ZFYVE1: variants seen among roughly 807,000 people sequenced by gnomAD.
ZFYVE1 encodes zinc finger FYVE-type containing 1.
In ZFYVE1, 30 loss-of-function variants were observed where a neutral mutation model predicts 74.4. The ratio of observed to expected loss-of-function variants is 0.40; its 90% CI spans 0.30 to 0.55. ZFYVE1 has a LOEUF of 0.55. Among genes scored for constraint, ZFYVE1 ranks in the 20% least tolerant of loss-of-function variants. ZFYVE1 has a pLI of 0.42. For synonymous variants in ZFYVE1, 335 were observed against 385.1 expected (o/e 0.87, Z 1.52); for missense variants, 703 against 1,011.6 (o/e 0.69, Z 4.14).
At chr14:73,003,058 T>TC (rs1202587027) in intron 2 of ZFYVE1, among the ~76,000 whole-genome samples, 10 of 129,900 alleles carry the variant, frequency 7.7e-5, no homozygotes, top group African/African-American at 3.3e-4. Flanking sequence ...TCTTTTCTTT[T>TC]TTTTTTTTTT....
At position 72,970,154 on chromosome 14, in the gene ZFYVE1, C is replaced by T. The variant is rs59629836; in HGVS notation, c.*728G>A. ...GGCTCAGTTCCTTCCTTGCTGTTCCCTGGGGGACCAGGGACAGCACGGCCC... is the reference window on the plus strand; with the variant it reads ...GGCTCAGTTCCTTCCTTGCTGTTCCTTGGGGGACCAGGGACAGCACGGCCC... On this transcript the variant is annotated 3_prime_UTR_variant, in exon 12 of 12. Coordinates refer to ENST00000556143, the MANE Select transcript of ZFYVE1 (RefSeq NM_021260.4). 6,534 of 200,014 alleles carry T rather than the reference C, an allele frequency of 0.033. 430 individuals are homozygous for T. The highest frequency in any genetic ancestry group is 0.15 in the African/African-American group (6,171 of 42,500). The allele number at this position is 200,014 out of a possible 1,614,324, so 12.4% of individuals were successfully genotyped here.
chr14:72,997,118 C>G (rs976793817), intron 3 of ZFYVE1, among the ~76,000 whole-genome samples: 1 of 152,156 alleles, frequency 6.6e-6, no homozygotes, highest in African/African-American at 2.4e-5. Flanking sequence ...ATGAACTGTC[C>G]GTGGTCCTAA....
At chr14:73,018,749 G>C (rs61986549) in intron 2 of ZFYVE1, among the ~76,000 whole-genome samples, 20,046 of 151,904 alleles carry the variant, frequency 0.13, 1,631 homozygotes, top group East Asian at 0.2. Flanking sequence ...CAAGACCAGC[G>C]TGACCAACAT....
intron 2 of ZFYVE1, among the ~76,000 whole-genome samples, chr14:73,022,933 C>T (rs1181922936): frequency 6.6e-6 from 1 of 151,880 alleles, no homozygotes; most frequent in East Asian, 1.9e-4. Flanking sequence ...GAGGCCAAGG[C>T]GGGTGGATCA....
chr14:72,992,148 ATC>A (rs1419316631), intron 4 of ZFYVE1, among the ~76,000 whole-genome samples: 1 of 152,040 alleles, frequency 6.6e-6, no homozygotes, highest in Non-Finnish European at 1.5e-5. Context: ...ACCTCAAGTG[ATC>A]CACCCGCCTC....
intron 2 of ZFYVE1, among the ~76,000 whole-genome samples, chr14:73,002,538 G>A (rs1403286984): frequency 6.6e-6 from 1 of 151,794 alleles, no homozygotes; most frequent in African/African-American, 2.4e-5. Flanking sequence ...CACCTCCTGG[G>A]TTTAAGTGAT....
chr14:72,984,579 A>C (rs1183552156), intron 4 of ZFYVE1, among the ~76,000 whole-genome samples: 1 of 152,138 alleles, frequency 6.6e-6, no homozygotes, highest in Non-Finnish European at 1.5e-5. Context: ...GATATGAATG[A>C]ATATATAGAA....
intron 11 of ZFYVE1, among the ~76,000 whole-genome samples, chr14:72,972,055 C>G (rs1163834583): frequency 2.0e-5 from 3 of 152,096 alleles, no homozygotes; most frequent in Non-Finnish European, 4.4e-5. Flanking sequence ...AACCCTGTCT[C>G]TACTAAAAAT....
intron 2 of ZFYVE1, among the ~76,000 whole-genome samples, chr14:73,023,096 G>A (rs997121477): frequency 1.3e-5 from 2 of 148,868 alleles, no homozygotes; most frequent in Non-Finnish European, 3.0e-5. Context: ...AGGAAGTAGA[G>A]GTTGCAGTGA....
rs1013372743 is a variant in ZFYVE1, at chr14:73,008,278, G to A, written c.484-9963C>T. Among the ~76,000 whole-genome samples, 5 of 152,328 alleles carry A rather than the reference G, an allele frequency of 3.3e-5. No homozygotes were observed. The South Asian group carries it at 8.3e-4, about 25-fold the overall frequency. ...GGGTGCAAGTGATTCTCCTGCCTCA[G>A]CTTCCTAAGTAGCTGGGATTACAGG... On this transcript the variant is annotated intron_variant, in intron 2 of 11. Transcript: ENST00000556143.
intron 4 of ZFYVE1, among the ~76,000 whole-genome samples, chr14:72,982,883 G>A (rs1893373943): frequency 6.6e-6 from 1 of 150,556 alleles, no homozygotes; most frequent in South Asian, 2.1e-4. Context: ...TGCTCTTGTT[G>A]CCCAGGCTGG....
At chr14:72,990,397 GTTC>G (rs1052892611) in intron 4 of ZFYVE1, among the ~76,000 whole-genome samples, 21 of 142,688 alleles carry the variant, frequency 1.5e-4, no homozygotes, top group Non-Finnish European at 2.7e-4. Context: ...AGCTGAACAG[GTTC>G]TTTTTTTTTT....
intron 2 of ZFYVE1, among the ~76,000 whole-genome samples, chr14:73,003,899 C>A (rs938052305): frequency 4.6e-5 from 7 of 152,274 alleles, no homozygotes; most frequent in African/African-American, 1.7e-4. Context: ...ACTCAGGACA[C>A]CGCCTGGCAC....
At chr14:73,021,768 T>C (rs999533500) in intron 2 of ZFYVE1, among the ~76,000 whole-genome samples, 2 of 152,108 alleles carry the variant, frequency 1.3e-5, no homozygotes, top group African/African-American at 2.4e-5. Context: ...TCCAATTATA[T>C]ACATATTACA....
chr14:72,998,164 G>C lies in ZFYVE1; in HGVS notation c.635C>G (p.Pro212Arg), dbSNP rs762691500. The change falls in exon 3 of 12, where the codon CCG (proline) becomes CGG (arginine). Residue 212 changes from proline (P) to arginine (R), a missense_variant. By Grantham distance (103) the Pro-to-Arg change is moderately radical. Coordinates refer to ENST00000556143, the MANE Select transcript of ZFYVE1 (RefSeq NM_021260.4). Reference protein sequence around the residue: ...FYGREVFKTSPTQESCTVGVW... With the variant: ...FYGREVFKTSRTQESCTVGVW... ...TCCCACAGTGCAGGACTCCTGGGTC[G>C]GGGAGGTTTTAAAGACTTCACGACC... 1 of 1,613,988 alleles carries C rather than the reference G, an allele frequency of 6.2e-7. No homozygotes were observed. The highest frequency in any genetic ancestry group is 8.5e-7 in the Non-Finnish European group (1 of 1,179,984).
intron 2 of ZFYVE1, among the ~76,000 whole-genome samples, chr14:73,003,513 A>G (rs1893917586): frequency 6.6e-6 from 1 of 152,190 alleles, no homozygotes; most frequent in Non-Finnish European, 1.5e-5. Flanking sequence ...GGAATTCAAG[A>G]CTACCTTAAG....
At chr14:72,971,216 G>T (rs1567342362) in intron 11 of ZFYVE1, 102 bp from the exon 12 acceptor site, 2 of 1,176,530 alleles carry the variant, frequency 1.7e-6, no homozygotes, top group Non-Finnish European at 1.2e-6. Flanking sequence ...AATCCCAACT[G>T]CACACAGAAT....
At chr14:72,981,739 G>A in intron 5 of ZFYVE1, 50 bp downstream of exon 5, 1 of 1,547,684 alleles carries the variant, frequency 6.5e-7, no homozygotes, top group Non-Finnish European at 8.9e-7. Context: ...CCACTCAAAG[G>A]CTCTATTCTC....
In ZFYVE1 at chr14:72,997,839, C is replaced by A; in HGVS notation, c.960G>T (p.Glu320Asp). The A allele has an allele frequency of 6.2e-7, 1 of 1,601,438 alleles. No homozygotes were observed. The highest frequency in any genetic ancestry group is 8.5e-7 in the Non-Finnish European group (1 of 1,169,880). ...TLGPAVIIFH[E>D]TVHTQLLGSD... is the part of the protein sequence containing the mutation. ...AGCCCAGTAGCTGGGTGTGCACGGTCTCATGGAAGATGATAACTGCAGGGC... is the reference window on the plus strand; with the variant it reads ...AGCCCAGTAGCTGGGTGTGCACGGTATCATGGAAGATGATAACTGCAGGGC... Residue 320 changes from glutamate to aspartate, a missense_variant, in exon 3 of 12, where the codon GAG (glutamate) becomes GAT (aspartate). Physicochemically the swap from Glu to Asp is conservative, Grantham distance 45. Coordinates refer to ENST00000556143, the MANE Select transcript of ZFYVE1 (RefSeq NM_021260.4).
Sources: gnomAD v4.1 joint callset for allele counts (sites outside exome capture counted in the v4.1 genomes callset) on GRCh38, gnomAD v4.1.1 for gene constraint, MANE v1.5 for transcripts, NCBI Gene and HGNC (gene_info 2026-07-23, HGNC 2026-07-21) for gene names.